The following CDH13 variants were observed in gnomAD, a reference collection of about 807,000 sequenced individuals.
The protein encoded by CDH13 is cadherin 13, also known as cadherin-13.
CDH13 carries 24 observed loss-of-function variants against 63.8 expected under a neutral mutation model. The observed-to-expected ratio is 0.38, with a 90% CI of 0.27 to 0.53. The LOEUF is 0.53. CDH13 is among the 20% of genes least tolerant of loss of function. The pLI, the probability that CDH13 is intolerant of heterozygous loss-of-function variation, is 0.85. For synonymous variants in CDH13, 503 were observed against 355.3 expected, an observed-to-expected ratio of 1.42 and a Z score of -4.67; for missense variants, 1,049 against 903.1, an observed-to-expected ratio of 1.16 and a Z score of -2.07.
chr16:83,272,550 A>C (rs760949182), intron 5 of CDH13, among the ~76,000 whole-genome samples: 7 of 152,202 alleles, frequency 4.6e-5, no homozygotes, highest in Non-Finnish European at 1.0e-4. Context: ...ATTTATAGAT[A>C]TCCAGCGTTG....
At chr16:82,810,062 A>G (rs1389053982) in intron 1 of CDH13, among the ~76,000 whole-genome samples, 1 of 152,210 alleles carries the variant, frequency 6.6e-6, no homozygotes, top group East Asian at 1.9e-4. Flanking sequence ...GTTTGCCAAC[A>G]GTGATTAGGA....
At chr16:82,924,251 G>T (rs1183911757) in intron 2 of CDH13, among the ~76,000 whole-genome samples, 3 of 147,108 alleles carry the variant, frequency 2.0e-5, no homozygotes, top group South Asian at 4.3e-4. Context: ...TGTCTATGTG[G>T]TTGCTTTATG....
chr16:83,712,396 A>G (rs1265668081), intron 10 of CDH13, among the ~76,000 whole-genome samples: 2 of 152,236 alleles, frequency 1.3e-5, no homozygotes, highest in Non-Finnish European at 2.9e-5. Context: ...ATCTTTGCCC[A>G]ACAGGAAGGT....
intron 3 of CDH13, among the ~76,000 whole-genome samples, chr16:83,055,007 A>T (rs1262552534): frequency 3.3e-5 from 5 of 152,110 alleles, no homozygotes. Context: ...GACCATTTTA[A>T]ATTTAAAACA....
intron 8 of CDH13, among the ~76,000 whole-genome samples, chr16:83,645,112 C>T (rs1457511161): frequency 6.6e-6 from 1 of 152,200 alleles, no homozygotes; most frequent in Non-Finnish European, 1.5e-5. Flanking sequence ...TTCACCACAG[C>T]ACTATTCACA....
intron 7 of CDH13, among the ~76,000 whole-genome samples, chr16:83,596,852 AG>A (rs1907308726): frequency 6.6e-6 from 1 of 152,204 alleles, no homozygotes; most frequent in African/African-American, 2.4e-5. Flanking sequence ...TCCTTGTGAA[AG>A]CAATAATGTT....
intron 7 of CDH13, among the ~76,000 whole-genome samples, chr16:83,517,856 A>G (rs1481056093): frequency 2.6e-5 from 4 of 152,196 alleles, no homozygotes; most frequent in African/African-American, 9.6e-5. Flanking sequence ...AATGCAAGGC[A>G]TTGGGCTTTA....
intron 1 of CDH13, among the ~76,000 whole-genome samples, chr16:82,728,437 G>C (rs2033217550): frequency 1.3e-5 from 1 of 79,964 alleles, no homozygotes; most frequent in African/African-American, 4.0e-5. Flanking sequence ...AATAAAGAGA[G>C]GCATACAATT....
At chr16:83,512,611 TG>T (rs2074598470) in intron 7 of CDH13, among the ~76,000 whole-genome samples, 1 of 150,794 alleles carries the variant, frequency 6.6e-6, no homozygotes, top group Non-Finnish European at 1.5e-5. Flanking sequence ...GAGGTTGCAG[TG>T]AGCTGAGATC....
chr16:83,023,489 TA>T (rs1279805605), intron 2 of CDH13, among the ~76,000 whole-genome samples: 3 of 152,200 alleles, frequency 2.0e-5, no homozygotes, highest in African/African-American at 7.2e-5. Context: ...AGAGTACAGA[TA>T]GTTCATTTCC....
intron 2 of CDH13, among the ~76,000 whole-genome samples, chr16:82,896,217 A>G (rs966030688): frequency 6.7e-6 from 1 of 149,868 alleles, no homozygotes; most frequent in Non-Finnish European, 1.5e-5. Flanking sequence ...ACTTCTTACA[A>G]CACTGCCAGG....
intron 4 of CDH13, among the ~76,000 whole-genome samples, 175 bp downstream of exon 4, chr16:83,125,676 G>C (rs2035776702): frequency 6.6e-6 from 1 of 152,152 alleles, no homozygotes; most frequent in African/African-American, 2.4e-5. Context: ...ATGCAAAAGA[G>C]GAAATTGGAA....
chr16:83,305,185 G>A lies in CDH13; in HGVS notation c.637-39677G>A, dbSNP rs183892405. On this transcript the variant is annotated intron_variant, in intron 5 of 13. Transcript: ENST00000567109. ...AGTTGGTGGGGCTCTCCTTGTCTGA[G>A]AGCTGACTCATTTGTAGGCATCCTC... Among the ~76,000 whole-genome samples the A allele has an allele frequency of 1.5e-3, 221 of 152,290 alleles. 1 individual carries two copies. The highest frequency in any genetic ancestry group is 5.1e-3 in the African/African-American group (210 of 41,558).
intron 6 of CDH13, among the ~76,000 whole-genome samples, chr16:83,346,274 C>A (rs2090837836): frequency 6.6e-6 from 1 of 152,150 alleles, no homozygotes; most frequent in African/African-American, 2.4e-5. Context: ...CACTTCAGGG[C>A]AGACAATCCA....
At chr16:82,817,630 C>G (rs920133316) in intron 1 of CDH13, among the ~76,000 whole-genome samples, 38 of 152,134 alleles carry the variant, frequency 2.5e-4, no homozygotes, top group African/African-American at 8.7e-4. Flanking sequence ...ATGATGAAAC[C>G]CTGTCTTTGC....
chr16:83,362,214 C>T (rs1034087440), intron 6 of CDH13, among the ~76,000 whole-genome samples: 1 of 152,144 alleles, frequency 6.6e-6, no homozygotes, highest in African/African-American at 2.4e-5. Flanking sequence ...AAGTTACATA[C>T]CCCTTCATAA....
intron 2 of CDH13, among the ~76,000 whole-genome samples, chr16:82,966,293 C>T (rs1208314231): frequency 7.2e-5 from 11 of 151,928 alleles, no homozygotes; most frequent in Non-Finnish European, 1.3e-4. Context: ...GGACTACAGG[C>T]GCCCGCCACC....
At chr16:82,913,729 C>T (rs2041906143) in intron 2 of CDH13, among the ~76,000 whole-genome samples, 2 of 151,696 alleles carry the variant, frequency 1.3e-5, no homozygotes, top group African/African-American at 4.9e-5. Context: ...ACCCCATGCG[C>T]AGATCCTCAA....
In CDH13 at chr16:83,571,810, A is replaced by G. The variant is rs138008236; in HGVS notation, c.961-30644A>G. ...TGGTTTGTCTCAATTCTATGCAGCTAGGTGCCTGAGCTAGAAACTACCTAC... is the reference window on the plus strand; with the variant it reads ...TGGTTTGTCTCAATTCTATGCAGCTGGGTGCCTGAGCTAGAAACTACCTAC... On this transcript the variant is annotated intron_variant, in intron 7 of 13. Transcript: ENST00000567109. Among the ~76,000 whole-genome samples, 557 of 152,222 alleles carry G rather than the reference A, an allele frequency of 3.7e-3. 4 individuals carry two copies. The highest frequency in any genetic ancestry group is 0.013 in the African/African-American group (523 of 41,528).
Sources: gnomAD v4.1 joint callset for allele counts (sites outside exome capture counted in the v4.1 genomes callset) on GRCh38, gnomAD v4.1.1 for gene constraint, MANE v1.5 for transcripts, NCBI Gene and HGNC (gene_info 2026-07-23, HGNC 2026-07-21) for gene names.